The following RTN4RL1 variants were observed in gnomAD, a reference collection of about 807,000 sequenced individuals.
The protein encoded by RTN4RL1 is reticulon 4 receptor like 1.
In RTN4RL1, 7 loss-of-function variants were observed where a neutral mutation model predicts 25.6. The ratio of observed to expected loss-of-function variants is 0.27; its 90% CI spans 0.16 to 0.51. RTN4RL1 has a LOEUF of 0.51. Ranked by LOEUF, RTN4RL1 falls within the 20% of genes least tolerant of loss-of-function variation. The pLI, the probability that RTN4RL1 is intolerant of heterozygous loss-of-function variation, is 0.97. For synonymous variants in RTN4RL1, 297 were observed against 288.2 expected, an observed-to-expected ratio of 1.03 and a Z score of -0.31; for missense variants, 500 against 615.6, an observed-to-expected ratio of 0.81 and a Z score of 1.99.
chr17:1,982,780 G>A (rs1429354695), intron 1 of RTN4RL1, among the ~76,000 whole-genome samples: 1 of 152,242 alleles, frequency 6.6e-6, no homozygotes, highest in African/African-American at 2.4e-5. Context: ...TGAAAATGGA[G>A]TGAGGAAAGT....
At chr17:2,023,876 CA>C (rs1368845059) in intron 1 of RTN4RL1, among the ~76,000 whole-genome samples, 1 of 152,190 alleles carries the variant, frequency 6.6e-6, no homozygotes, top group East Asian at 1.9e-4. Context: ...AGGGCCGGGG[CA>C]GCCAGCCGCA....
At position 1,937,151 on chromosome 17, in the gene RTN4RL1, G is replaced by A. The variant is rs1447294066; in HGVS notation, c.671C>T (p.Thr224Ile). Residue 224 changes from threonine (T) to isoleucine (I), a missense_variant, in exon 2 of 2, where the codon ACC (threonine) becomes ATC (isoleucine). This residue lies in a region of RTN4RL1 where 232 missense variants were observed against 341.1 expected (regional missense o/e 0.68). Transcript: ENST00000331238. ...GCTGTTGTTGAAGAGGAAGAGGGTG[G>A]TCAGCCTGCGGAGGTCGTGGAACGC... Reference protein sequence around the residue: ...HKAFHDLRRLTTLFLFNNSLS... With the variant: ...HKAFHDLRRLITLFLFNNSLS... 1.2e-6 allele frequency: 2 copies of A among 1,611,994 alleles called. No individual in the cohort carries two copies. The highest frequency in any genetic ancestry group is 1.7e-6 in the Non-Finnish European group (2 of 1,179,448).
At chr17:1,971,768 C>A (rs913227740) in intron 1 of RTN4RL1, among the ~76,000 whole-genome samples, 5 of 152,066 alleles carry the variant, frequency 3.3e-5, no homozygotes, top group South Asian at 4.2e-4. Flanking sequence ...CGAGACCATC[C>A]TAGCTAACAT....
Position 1,935,904 on chromosome 17 carries a change from G to C in RTN4RL1, c.*592C>G. On this transcript the variant is annotated 3_prime_UTR_variant, in exon 2 of 2. Coordinates refer to ENST00000331238, the MANE Select transcript of RTN4RL1 (RefSeq NM_178568.4). Reference sequence around the variant, plus strand: ...TCTTGGACCCCAGCAGTTGGACCTGGGTCTGCCAGGGTTGCCTGAGACATC... The same window carrying C: ...TCTTGGACCCCAGCAGTTGGACCTGCGTCTGCCAGGGTTGCCTGAGACATC... The C allele has an allele frequency of 1.0e-6, 1 of 985,454 alleles. No homozygotes were observed. The highest frequency in any genetic ancestry group is 4.7e-5 in the South Asian group (1 of 21,264). The allele number at this position is 985,454 out of a possible 1,614,324, so 61.0% of individuals were successfully genotyped here. A position where few individuals can be genotyped will look rare whatever the true frequency, so the allele number is the denominator to read the frequency against.
chr17:1,936,781 G>A lies in RTN4RL1; in HGVS notation c.1041C>T (p.Pro347=), dbSNP rs368348129. ...AGTTCTTCCCCGGCTTCCTGTGGCC[G>A]GGCCGGGGGCCGTGCGGGTGGCCCT... ...RSKGHPHGPR[P]GHRKPGKNCT... The change falls in exon 2 of 2, where the codon CCC becomes CCT. Residue 347 remains proline (P), a synonymous_variant. Transcript: ENST00000331238. The A allele has an allele frequency of 7.3e-5, 116 of 1,589,812 alleles. No individual in the cohort carries two copies. Among genetic ancestry groups the A allele is most frequent in the African/African-American group, 5.4e-4 (40 of 73,998 alleles).
At chr17:1,983,143 C>A (rs1301021791) in intron 1 of RTN4RL1, among the ~76,000 whole-genome samples, 1 of 152,032 alleles carries the variant, frequency 6.6e-6, no homozygotes, top group Non-Finnish European at 1.5e-5. Context: ...CTCCACCTCC[C>A]AGGTTCAAGC....
At chr17:1,938,955 A>G (rs1597484704) in intron 1 of RTN4RL1, among the ~76,000 whole-genome samples, 1 of 151,996 alleles carries the variant, frequency 6.6e-6, no homozygotes, top group African/African-American at 2.4e-5. Flanking sequence ...CTGAGGCAGG[A>G]GAATCGTTTG....
rs554439587 is a variant in RTN4RL1, at chr17:1,948,707, C to T, written c.14-10899G>A. On this transcript the variant is annotated intron_variant, in intron 1 of 1. Transcript: ENST00000331238. ...ACCTCCGTGGCGACGAGACCGTCCTCGGTGGCAAATGTCTGTTTGTGATGC... is the reference window on the plus strand; with the variant it reads ...ACCTCCGTGGCGACGAGACCGTCCTTGGTGGCAAATGTCTGTTTGTGATGC... Among the ~76,000 whole-genome samples the T allele has an allele frequency of 7.3e-5, 10 of 136,608 alleles. No homozygotes were observed. In the East Asian group the frequency reaches 2.3e-3, roughly 31 times the overall value. The allele number at this position is 136,608 out of a possible 152,430, so 89.6% of individuals were successfully genotyped here.
At chr17:2,019,125 G>A (rs546006464) in intron 1 of RTN4RL1, 36 of 152,070 alleles carry the variant, frequency 2.4e-4, no homozygotes, top group African/African-American at 7.7e-4. Context: ...CCAGGCCTTG[G>A]GGGGGGCCCT....
At chr17:2,021,708 G>A (rs62066904) in intron 1 of RTN4RL1, among the ~76,000 whole-genome samples, 1 of 151,586 alleles carries the variant, frequency 6.6e-6, no homozygotes, top group Admixed American at 6.6e-5. Context: ...GCATGAACCA[G>A]CACGCCCGGC....
chr17:2,007,566 T>C (rs2067007946), intron 1 of RTN4RL1, among the ~76,000 whole-genome samples: 1 of 152,126 alleles, frequency 6.6e-6, no homozygotes, highest in Non-Finnish European at 1.5e-5. Context: ...GGCTGCCAGA[T>C]GCTGGCTGTG....
intron 1 of RTN4RL1, among the ~76,000 whole-genome samples, chr17:1,993,458 T>C (rs1032923925): frequency 1.3e-5 from 2 of 152,192 alleles, no homozygotes; most frequent in Non-Finnish European, 2.9e-5. Flanking sequence ...ACCTGTGAAA[T>C]GGGCTAAGCA....
At position 1,937,215 on chromosome 17, in the gene RTN4RL1, A is replaced by G; in HGVS notation, c.607T>C (p.Leu203=). 3 of 1,612,398 alleles carry G rather than the reference A, an allele frequency of 1.9e-6. No individual in the cohort carries two copies. The highest frequency in any genetic ancestry group is 2.5e-6 in the Non-Finnish European group (3 of 1,179,846). Residue 203 remains leucine (L), a synonymous_variant, in exon 2 of 2, where the codon TTG becomes CTG. Transcript: ENST00000331238. ...CACTGCAGCTGGTTCTCGTGCAGCA[A>G]AAGACGGTCCAGGTTCACCAGGCCC... ...FRGLVNLDRL[L]LHENQLQWVH...
intron 1 of RTN4RL1, among the ~76,000 whole-genome samples, chr17:1,978,998 C>G (rs1248902585): frequency 6.6e-6 from 1 of 152,258 alleles, no homozygotes; most frequent in Non-Finnish European, 1.5e-5. Context: ...CCTAAAGAAA[C>G]ACTGAGGCCA....
intron 1 of RTN4RL1, among the ~76,000 whole-genome samples, chr17:1,987,772 C>T (rs1747946179): frequency 6.9e-6 from 1 of 145,602 alleles, no homozygotes; most frequent in African/African-American, 2.6e-5. Context: ...CACACACGGA[C>T]TTTCCACACA....
intron 1 of RTN4RL1, among the ~76,000 whole-genome samples, chr17:1,978,916 G>A (rs1049491786): frequency 2.6e-5 from 4 of 152,210 alleles, no homozygotes; most frequent in African/African-American, 4.8e-5. Flanking sequence ...GCTTCCCCAC[G>A]TGGTGGCTAT....
chr17:1,966,426 G>A (rs376149067), intron 1 of RTN4RL1, among the ~76,000 whole-genome samples: 3 of 152,196 alleles, frequency 2.0e-5, no homozygotes, highest in Admixed American at 6.5e-5. Context: ...AACCGATGGA[G>A]GGAGGGGGTG....
At chr17:1,963,967 T>A (rs2066777527) in intron 1 of RTN4RL1, among the ~76,000 whole-genome samples, 1 of 152,114 alleles carries the variant, frequency 6.6e-6, no homozygotes, top group South Asian at 2.1e-4. Flanking sequence ...CCTCAGGTGA[T>A]CCACCTGCCT....
At position 1,947,020 on chromosome 17, in the gene RTN4RL1, C is replaced by G. The variant is rs377233969; in HGVS notation, c.14-9212G>C. On this transcript the variant is annotated intron_variant, in intron 1 of 1. Transcript: ENST00000331238. ...TGTGTGCATCTCTGTGTGAATGTGT[C>G]TGTGTGTGCACATGTGTCTGTGTGC... Among the ~76,000 whole-genome samples, 114 of 48,654 alleles carry G rather than the reference C, an allele frequency of 2.3e-3. 1 individual carries two copies. The East Asian group carries it at 0.026, about 11-fold the overall frequency. 31.9% of individuals were successfully genotyped at this position (48,654 alleles called of 152,430 possible).
Sources: allele counts gnomAD v4.1 joint callset (sites outside exome capture counted in the v4.1 genomes callset), GRCh38; gene constraint gnomAD v4.1.1; regional missense constraint gnomAD v4.1.1; transcripts MANE v1.5; gene names NCBI Gene and HGNC (gene_info 2026-07-23, HGNC 2026-07-21).